Variants in NRXN3 observed in about 807,000 individuals in gnomAD.
NRXN3 encodes neurexin III.
Under a neutral mutation model 137.6 loss-of-function variants are expected in NRXN3, and 32 were observed. The observed-to-expected ratio is 0.23, with a 90% confidence interval of 0.18 to 0.31. The LOEUF is 0.31. Among genes scored for constraint, NRXN3 ranks in the 10% least tolerant of loss-of-function variants. The probability of loss-of-function intolerance (pLI) is 1.00; values close to 1 mark genes in which losing one functional copy is unlikely to be tolerated. For synonymous variants in NRXN3, 798 were observed against 784.5 expected (o/e 1.02, Z -0.29); for missense variants, 1,574 against 2,062.5 (o/e 0.76, Z 4.59).
intron 15 of NRXN3, among the ~76,000 whole-genome samples, chr14:79,206,967 C>T (rs182217613): frequency 1.3e-5 from 2 of 152,268 alleles, no homozygotes; most frequent in East Asian, 3.9e-4. Context: ...CCTTTTCCTA[C>T]CGGATCAAGT....
chr14:79,180,602 AC>A (rs2062820995), intron 15 of NRXN3, among the ~76,000 whole-genome samples: 1 of 152,078 alleles, frequency 6.6e-6, no homozygotes, highest in Admixed American at 6.6e-5. Context: ...TTAACAGCTT[AC>A]CCTGCATGGT....
intron 15 of NRXN3, among the ~76,000 whole-genome samples, chr14:79,138,813 A>G (rs183756749): frequency 1.8e-4 from 28 of 152,358 alleles, no homozygotes; most frequent in Non-Finnish European, 4.4e-5. Flanking sequence ...CAGCAATTCA[A>G]GAATTCAATC....
chr14:78,564,828 C>G (rs935907467), intron 4 of NRXN3, among the ~76,000 whole-genome samples: 2 of 152,068 alleles, frequency 1.3e-5, no homozygotes, highest in African/African-American at 4.8e-5. Flanking sequence ...CAGTATTCTC[C>G]CCTATATTTA....
chr14:79,846,694 T>TA lies in NRXN3; in HGVS notation c.4094-14647dup, dbSNP rs759326048. ...TATTCTTTGTGACCCTACTGTACCCTACGCAGATTTTTGTTGACTCAATAC... is the reference window on the plus strand; with the variant it reads ...TATTCTTTGTGACCCTACTGTACCCTAACGCAGATTTTTGTTGACTCAATAC... On this transcript the variant is annotated intron_variant, in intron 20 of 20. Transcript: ENST00000335750. 3.6e-4 allele frequency among the ~76,000 whole-genome samples: 55 copies of TA among 152,338 alleles called. 1 individual carries two copies. The highest frequency in any genetic ancestry group is 1.6e-4 in the Non-Finnish European group (11 of 68,028).
intron 4 of NRXN3, among the ~76,000 whole-genome samples, chr14:78,515,085 G>A (rs2096181432): frequency 6.6e-6 from 1 of 152,256 alleles, no homozygotes; most frequent in Admixed American, 6.5e-5. Context: ...CTCTCCAGGT[G>A]ATTCTAACAG....
At chr14:79,484,367 G>A (rs1469812979) in intron 16 of NRXN3, among the ~76,000 whole-genome samples, 1 of 151,948 alleles carries the variant, frequency 6.6e-6, no homozygotes, top group African/African-American at 2.4e-5. Context: ...TCAATATAAG[G>A]GCTTTAGAAA....
chr14:78,292,460 G>C (rs927741866), intron 3 of NRXN3, among the ~76,000 whole-genome samples: 1 of 152,194 alleles, frequency 6.6e-6, no homozygotes, highest in African/African-American at 2.4e-5. Context: ...TACAAGAAGG[G>C]TGGAATATAT....
At chr14:79,190,919 T>A (rs2064214839) in intron 15 of NRXN3, among the ~76,000 whole-genome samples, 1 of 152,150 alleles carries the variant, frequency 6.6e-6, no homozygotes, top group South Asian at 2.1e-4. Context: ...CTGTACATAA[T>A]CTAAAGCATA....
chr14:78,724,250 T>C (rs2098473087), intron 8 of NRXN3, among the ~76,000 whole-genome samples: 1 of 152,270 alleles, frequency 6.6e-6, no homozygotes, highest in Admixed American at 6.5e-5. Context: ...CACATGTGTA[T>C]AGTTTTCCTC....
intron 10 of NRXN3, among the ~76,000 whole-genome samples, chr14:78,816,736 C>T (rs1456759536): frequency 1.3e-5 from 2 of 152,110 alleles, no homozygotes; most frequent in Non-Finnish European, 2.9e-5. Flanking sequence ...TACCAAATTG[C>T]ACTCCAAAGA....
At chr14:78,336,655 T>G (rs2081510852) in intron 4 of NRXN3, among the ~76,000 whole-genome samples, 1 of 152,252 alleles carries the variant, frequency 6.6e-6, no homozygotes, top group East Asian at 1.9e-4. Flanking sequence ...AGTAAGTGCC[T>G]CTAGAGGTTG....
At chr14:78,753,692 G>A (rs2098654233) in intron 8 of NRXN3, 1 of 152,184 alleles carries the variant, frequency 6.6e-6, no homozygotes, top group African/African-American at 2.4e-5. Context: ...TACAGAAGAG[G>A]AAATGGAAGC....
At chr14:78,823,085 T>G (rs1470670580) in intron 10 of NRXN3, among the ~76,000 whole-genome samples, 1 of 152,184 alleles carries the variant, frequency 6.6e-6, no homozygotes, top group Non-Finnish European at 1.5e-5. Flanking sequence ...TACTTGGCAT[T>G]TAGAGATGCA....
chr14:79,085,260 C>A (rs1276025942), intron 15 of NRXN3, among the ~76,000 whole-genome samples: 1 of 152,154 alleles, frequency 6.6e-6, no homozygotes, highest in Non-Finnish European at 1.5e-5. Context: ...TGGTTACCTA[C>A]TGTTAAATAG....
chr14:78,720,191 T>C (rs961902306), intron 8 of NRXN3, among the ~76,000 whole-genome samples: 3 of 152,192 alleles, frequency 2.0e-5, no homozygotes, highest in Admixed American at 6.5e-5. Flanking sequence ...AGGTCATCTA[T>C]ATGTTAGTGA....
chr14:79,419,511 T>A (rs2153530055), intron 15 of NRXN3, among the ~76,000 whole-genome samples: 1 of 152,246 alleles, frequency 6.6e-6, no homozygotes, highest in African/African-American at 2.4e-5. Flanking sequence ...GTGATATGGC[T>A]GCTAGATATT....
intron 4 of NRXN3, among the ~76,000 whole-genome samples, chr14:78,595,566 C>T (rs2097151758): frequency 6.6e-6 from 1 of 152,162 alleles, no homozygotes; most frequent in South Asian, 2.1e-4. Flanking sequence ...TTTCTTTCCT[C>T]CAAATCACAC....
intron 14 of NRXN3, among the ~76,000 whole-genome samples, chr14:78,969,267 C>T (rs552034226): frequency 6.6e-6 from 1 of 152,254 alleles, no homozygotes; most frequent in South Asian, 2.1e-4. Flanking sequence ...ACAGGTCTTC[C>T]TGAATCCAAC....
At chr14:78,346,913 G>A (rs1373535190) in intron 4 of NRXN3, among the ~76,000 whole-genome samples, 3 of 152,198 alleles carry the variant, frequency 2.0e-5, no homozygotes, top group South Asian at 4.1e-4. Flanking sequence ...ATGTTTTTAC[G>A]TGCAGGGAAG....
Sources: gnomAD v4.1 joint callset for allele counts (sites outside exome capture counted in the v4.1 genomes callset) on GRCh38, gnomAD v4.1.1 for gene constraint, MANE v1.5 for transcripts, NCBI Gene and HGNC (gene_info 2026-07-23, HGNC 2026-07-21) for gene names.